The following CNTN4 variants were observed in gnomAD, a reference collection of about 807,000 sequenced individuals.
CNTN4 encodes contactin-4.
A neutral mutation model predicts 122.5 loss-of-function variants in CNTN4; 77 were observed. The observed-to-expected ratio is 0.63, with a 90% CI of 0.52 to 0.76. The LOEUF is 0.76. CNTN4 is among the 30% of genes least tolerant of loss of function. CNTN4 has a pLI of 0.00. For synonymous variants in CNTN4, 512 were observed against 447.0 expected, an observed-to-expected ratio of 1.15 and a Z score of -1.83; for missense variants, 1,256 against 1,259.1, an observed-to-expected ratio of 1.00 and a Z score of 0.04.
Position 2,683,645 on chromosome 3 carries a change from GA to G in CNTN4, c.56-52560del, listed in dbSNP as rs35070950. Among the ~76,000 whole-genome samples the G allele has an allele frequency of 2.2e-4, 33 of 150,160 alleles. No homozygotes were observed. The East Asian group carries it at 2.7e-3, about 13-fold the overall frequency. ...TAGTATAGTATTAACTTGTTTATCA[GA>G]AAAAAAAAATTGTGGAACAGAACAA... On this transcript the variant is annotated intron_variant, in intron 4 of 24. Transcript: ENST00000418658.
chr3:2,631,889 C>CAAAAAAAA (rs2082452334), intron 4 of CNTN4, among the ~76,000 whole-genome samples: 3 of 118,748 alleles, frequency 2.5e-5, no homozygotes, highest in African/African-American at 1.2e-4. Flanking sequence ...CAAAAAAAAA[C>CAAAAAAAA]AACAACTAAA....
At chr3:2,822,481 A>G (rs2092898456) in intron 7 of CNTN4, among the ~76,000 whole-genome samples, 1 of 152,210 alleles carries the variant, frequency 6.6e-6, no homozygotes, top group South Asian at 2.1e-4. Flanking sequence ...GTGGACATAT[A>G]TTTAGATTCA....
chr3:3,038,541 CTCTGCCTG>C (rs980890366), intron 18 of CNTN4, among the ~76,000 whole-genome samples: 3 of 152,198 alleles, frequency 2.0e-5, no homozygotes, highest in African/African-American at 7.2e-5. Context: ...AGCTTGTAAG[CTCTGCCTG>C]GGCAGAGCTT....
chr3:2,188,509 A>G (rs2037377258), intron 2 of CNTN4, among the ~76,000 whole-genome samples: 1 of 152,180 alleles, frequency 6.6e-6, no homozygotes, highest in Non-Finnish European at 1.5e-5. Context: ...CAGTGGGTAA[A>G]TAAAGTCCAG....
rs113017777 is a variant in CNTN4, at chr3:2,759,988, T to A, written c.358+14291T>A. On this transcript the variant is annotated intron_variant, in intron 6 of 24. Transcript: ENST00000418658. ...CTATTGCTACATCTTTGGAGACACTTCTATTCAAATCCTTTGCTCATTTTT... is the reference window on the plus strand; with the variant it reads ...CTATTGCTACATCTTTGGAGACACTACTATTCAAATCCTTTGCTCATTTTT... Among the ~76,000 whole-genome samples, 511 of 152,224 alleles carry A rather than the reference T, an allele frequency of 3.4e-3. 5 individuals are homozygous for A. Among genetic ancestry groups the A allele is most frequent in the African/African-American group, 0.012 (488 of 41,484 alleles).
At chr3:2,518,472 G>T (rs1575827354) in intron 3 of CNTN4, among the ~76,000 whole-genome samples, 3 of 152,136 alleles carry the variant, frequency 2.0e-5, no homozygotes, top group South Asian at 4.1e-4. Flanking sequence ...TAGAAAATTA[G>T]GAACATGTCT....
At position 3,040,413 on chromosome 3, in the gene CNTN4, T is replaced by G; in HGVS notation, c.2398+142T>G. On this transcript the variant is annotated intron_variant, in intron 20 of 24. Transcript: ENST00000418658. ...TTGAGAAGAGGATAATGTAAACAAT[T>G]TGGTTCGCTGTCCACCATGAATCTC... 3 of 717,104 alleles carry G rather than the reference T, an allele frequency of 4.2e-6. No individual in the cohort carries two copies. In the East Asian group the frequency reaches 8.2e-5, roughly 19 times the overall value. 44.4% of individuals were successfully genotyped at this position (717,104 alleles called of 1,614,324 possible).
At chr3:2,632,482 A>C (rs1383046374) in intron 4 of CNTN4, among the ~76,000 whole-genome samples, 2 of 152,204 alleles carry the variant, frequency 1.3e-5, no homozygotes, top group Admixed American at 1.3e-4. Flanking sequence ...TACACTCAAC[A>C]TGACATTGAG....
chr3:2,184,590 A>G (rs1045715731), intron 2 of CNTN4, among the ~76,000 whole-genome samples: 1 of 152,132 alleles, frequency 6.6e-6, no homozygotes, highest in African/African-American at 2.4e-5. Context: ...TCATGTTGAC[A>G]TTTATTCTCA....
intron 2 of CNTN4, among the ~76,000 whole-genome samples, chr3:2,110,902 G>A (rs2032900681): frequency 6.6e-6 from 1 of 152,140 alleles, no homozygotes; most frequent in Non-Finnish European, 1.5e-5. Context: ...ACATGTATTT[G>A]TGATATGCTT....
chr3:2,610,429 C>T (rs193089587), intron 4 of CNTN4, among the ~76,000 whole-genome samples: 1 of 152,254 alleles, frequency 6.6e-6, no homozygotes, highest in East Asian at 1.9e-4. Flanking sequence ...AGCCCGTGGC[C>T]TTCTAAAATG....
chr3:2,543,131 C>T (rs2078099964), intron 3 of CNTN4, among the ~76,000 whole-genome samples: 1 of 151,956 alleles, frequency 6.6e-6, no homozygotes, highest in African/African-American at 2.4e-5. Context: ...TTGTCAGTTA[C>T]AGGAAATATA....
chr3:2,322,959 T>C (rs2043321981), intron 2 of CNTN4, among the ~76,000 whole-genome samples: 1 of 152,112 alleles, frequency 6.6e-6, no homozygotes, highest in African/African-American at 2.4e-5. Flanking sequence ...ACTGGAGGAT[T>C]ACCGAAGTTC....
chr3:2,597,574 G>A (rs1162680814), intron 4 of CNTN4, among the ~76,000 whole-genome samples: 1 of 152,104 alleles, frequency 6.6e-6, no homozygotes, highest in African/African-American at 2.4e-5. Flanking sequence ...CTGTTCCCCA[G>A]GAAAGGTGCA....
intron 6 of CNTN4, among the ~76,000 whole-genome samples, chr3:2,773,548 A>G (rs1452884006): frequency 6.6e-6 from 1 of 152,102 alleles, no homozygotes. Flanking sequence ...TAATGCATGT[A>G]GGATTCTAGA....
In CNTN4 at chr3:2,889,265, A is replaced by T. The variant is rs1000767117; in HGVS notation, c.940+2041A>T. On this transcript the variant is annotated intron_variant, in intron 10 of 24. Coordinates refer to ENST00000418658, the MANE Select transcript of CNTN4 (RefSeq NM_175607.3). ...GGAGAGAACACACAGAGTTGTAGAAAGTATTAATACTTCACTTGATGAGCT... is the reference window on the plus strand; with the variant it reads ...GGAGAGAACACACAGAGTTGTAGAATGTATTAATACTTCACTTGATGAGCT... Among the ~76,000 whole-genome samples the T allele has an allele frequency of 1.2e-4, 19 of 152,322 alleles. 1 individual carries two copies. Among genetic ancestry groups the T allele is most frequent in the Admixed American group, 7.8e-4 (12 of 15,300 alleles).
intron 3 of CNTN4, among the ~76,000 whole-genome samples, chr3:2,446,677 G>A (rs181638561): frequency 5.7e-4 from 87 of 152,096 alleles, no homozygotes; most frequent in African/African-American, 1.9e-3. Flanking sequence ...AAACACACTC[G>A]GTTTACTTAG....
At chr3:2,682,007 T>A (rs1201902404) in intron 4 of CNTN4, among the ~76,000 whole-genome samples, 2 of 152,190 alleles carry the variant, frequency 1.3e-5, no homozygotes, top group African/African-American at 4.8e-5. Flanking sequence ...AATGGGATAT[T>A]TTTTGGATAT....
At chr3:3,010,494 ACT>A (rs1697120874) in intron 14 of CNTN4, among the ~76,000 whole-genome samples, 1 of 151,258 alleles carries the variant, frequency 6.6e-6, no homozygotes, top group Non-Finnish European at 1.5e-5. Context: ...TCCTTGTACT[ACT>A]GTTTAAAAAA....
Sources: gnomAD v4.1 joint callset for allele counts (sites outside exome capture counted in the v4.1 genomes callset) on GRCh38, gnomAD v4.1.1 for gene constraint, MANE v1.5 for transcripts, NCBI Gene and HGNC (gene_info 2026-07-23, HGNC 2026-07-21) for gene names.